Variants in CPED1 observed in about 807,000 individuals in gnomAD.
CPED1 encodes cadherin-like and PC-esterase domain-containing protein 1.
A neutral mutation model predicts 128.2 loss-of-function variants in CPED1; 114 were observed. The ratio of observed to expected loss-of-function variants is 0.89; its 90% confidence interval spans 0.76 to 1.04. The LOEUF is 1.04. Ranked by LOEUF, CPED1 falls within the 50% of genes least tolerant of loss-of-function variation. CPED1 has a pLI of 0.00. For synonymous variants in CPED1, 462 were observed against 426.7 expected (o/e 1.08, Z -1.02); for missense variants, 1,211 against 1,207.1 (o/e 1.00, Z -0.05).
chr7:121,056,425 A>G (rs896491873), intron 4 of CPED1, among the ~76,000 whole-genome samples: 1 of 152,190 alleles, frequency 6.6e-6, no homozygotes, highest in Non-Finnish European at 1.5e-5. Context: ...TGGATGAGGC[A>G]ATACCATTAT....
At chr7:121,220,643 T>C (rs1322932889) in intron 16 of CPED1, among the ~76,000 whole-genome samples, 1 of 152,062 alleles carries the variant, frequency 6.6e-6, no homozygotes, top group African/African-American at 2.4e-5. Context: ...ATTATTCTGC[T>C]TTAACATCTT....
intron 16 of CPED1, among the ~76,000 whole-genome samples, chr7:121,211,980 A>T (rs6970762): frequency 0.36 from 54,015 of 151,832 alleles, 9,964 homozygotes; most frequent in Middle Eastern, 0.49. Flanking sequence ...ACCTTATTTT[A>T]TAACTGGGGC....
rs1436329443 is a variant in CPED1, at chr7:121,047,694, CTTCTTCTTCTTCTTCTTCTTCTTTTT to C, written c.540+704_540+729del. On this transcript the variant is annotated intron_variant, in intron 4 of 22. Transcript: ENST00000310396. ...TCTTCTTCTTCTTCTTCTTCTTCTT[CTTCTTCTTCTTCTTCTTCTTCTTTTT>C]TTTTTTTTGAGACGTAATCTTGCTC... Among the ~76,000 whole-genome samples the C allele has an allele frequency of 4.7e-3, 102 of 21,746 alleles. 4 individuals carry two copies. The highest frequency in any genetic ancestry group is 0.014 in the African/African-American group (102 of 7,466). The allele number at this position is 21,746 out of a possible 152,430, so 14.3% of individuals were successfully genotyped here. A position where few individuals can be genotyped will look rare whatever the true frequency, so the allele number is the denominator to read the frequency against.
At chr7:121,012,306 G>T (rs768597818) in intron 2 of CPED1, among the ~76,000 whole-genome samples, 6 of 152,194 alleles carry the variant, frequency 3.9e-5, no homozygotes, top group Non-Finnish European at 7.3e-5. Flanking sequence ...CTAGCAAAGG[G>T]ATTTCTAAGG....
rs540380758 is a variant in CPED1, at chr7:120,997,693, G to T, written c.249+7823G>T. On this transcript the variant is annotated intron_variant, in intron 2 of 22. Transcript: ENST00000310396. ...CCCAGCACTTTGGAAGGCCAAGGTG[G>T]GTGGATCACCTGAGGTCAGGAGTTT... Among the ~76,000 whole-genome samples, 16 of 152,200 alleles carry T rather than the reference G, an allele frequency of 1.1e-4. No individual in the cohort carries two copies. The South Asian group carries it at 3.1e-3, about 30-fold the overall frequency.
intron 14 of CPED1, among the ~76,000 whole-genome samples, chr7:121,138,322 G>A (rs546538815): frequency 6.6e-5 from 10 of 152,110 alleles, no homozygotes; most frequent in South Asian, 6.2e-4. Context: ...ACCGTACCTC[G>A]TGCTGGGTTC....
intron 16 of CPED1, among the ~76,000 whole-genome samples, chr7:121,158,647 G>A (rs1004180377): frequency 2.0e-5 from 3 of 151,032 alleles, no homozygotes; most frequent in African/African-American, 7.3e-5. Context: ...TATCATGATT[G>A]GAAAAGATGT....
chr7:121,245,452 A>G (rs1425417185), intron 18 of CPED1, among the ~76,000 whole-genome samples: 1 of 152,198 alleles, frequency 6.6e-6, no homozygotes, highest in Non-Finnish European at 1.5e-5. Flanking sequence ...ACCAGACTGT[A>G]AGCTTCAAAA....
intron 5 of CPED1, among the ~76,000 whole-genome samples, chr7:121,078,811 C>T (rs1247461961): frequency 6.6e-6 from 1 of 152,140 alleles, no homozygotes; most frequent in Non-Finnish European, 1.5e-5. Flanking sequence ...CCCATGGGCA[C>T]TGTATTAGTT....
chr7:121,184,306 G>A (rs1013709531), intron 16 of CPED1, among the ~76,000 whole-genome samples: 3 of 152,032 alleles, frequency 2.0e-5, no homozygotes, highest in African/African-American at 7.2e-5. Context: ...TTAAGTTGCT[G>A]AAAAATCTGA....
rs747895301 is a variant in CPED1 at position 121,136,061 on chromosome 7, A to G, written c.1670A>G (p.Asn557Ser). 6.5e-7 allele frequency: 1 copy of G among 1,546,074 alleles called. No individual in the cohort carries two copies. The highest frequency in any genetic ancestry group is 2.4e-5 in the East Asian group (1 of 41,398). Residue 557 changes from asparagine (N) to serine (S), a missense_variant, in exon 14 of 23, where the codon AAT (asparagine) becomes AGT (serine). Asn to Ser is a conservative substitution (Grantham distance 46). Transcript: ENST00000310396. ...TTAGCTGCAGTTCCACAAATTAAAA[A>G]TGAAAATAAAGAAATACATTGCAGT... ...NKKAAVPQIKNENKEIHCSDD... is the reference protein window; with the variant it reads ...NKKAAVPQIKSENKEIHCSDD...
At chr7:121,249,638 G>C (rs1409975151) in intron 18 of CPED1, among the ~76,000 whole-genome samples, 3 of 152,118 alleles carry the variant, frequency 2.0e-5, no homozygotes, top group East Asian at 3.9e-4. Context: ...GAGGGAATTT[G>C]TTTCAAATAG....
chr7:121,087,154 T>G (rs1339308315), intron 5 of CPED1, among the ~76,000 whole-genome samples: 1 of 152,198 alleles, frequency 6.6e-6, no homozygotes, highest in Admixed American at 6.5e-5. Flanking sequence ...GTTGGAAATT[T>G]TAATATAGTT....
At chr7:121,272,712 C>G (rs1439362524) in intron 22 of CPED1, among the ~76,000 whole-genome samples, 1 of 152,128 alleles carries the variant, frequency 6.6e-6, no homozygotes, top group Admixed American at 6.6e-5. Context: ...CTCTCTCACT[C>G]TCTCTGCCAC....
chr7:121,240,732 T>G (rs1458110801), intron 17 of CPED1, among the ~76,000 whole-genome samples: 1 of 135,374 alleles, frequency 7.4e-6, no homozygotes, highest in African/African-American at 2.8e-5. Flanking sequence ...CTTCTGTTAT[T>G]TAACTCTTTG....
intron 16 of CPED1, among the ~76,000 whole-genome samples, chr7:121,144,417 A>G (rs1240907308): frequency 1.3e-5 from 2 of 152,070 alleles, no homozygotes; most frequent in Non-Finnish European, 2.9e-5. Context: ...ATTAAGTGAA[A>G]TAAGTCAGGA....
At chr7:121,276,627 TTAAG>T (rs1306811759) in intron 22 of CPED1, among the ~76,000 whole-genome samples, 1 of 152,056 alleles carries the variant, frequency 6.6e-6, no homozygotes, top group Admixed American at 6.6e-5. Context: ...AATCTAAGGA[TTAAG>T]TGTTTCTTCT....
At chr7:121,014,046 A>T (rs977690666) in intron 2 of CPED1, among the ~76,000 whole-genome samples, 7 of 152,246 alleles carry the variant, frequency 4.6e-5, no homozygotes, top group Non-Finnish European at 8.8e-5. Context: ...TCAATTAAAA[A>T]TTTCCGTAAG....
rs780487019 is a variant in CPED1 at position 121,271,326 on chromosome 7, G to A, written c.2764G>A (p.Asp922Asn). 67 of 1,612,240 alleles carry A rather than the reference G, an allele frequency of 4.2e-5. 1 individual carries two copies. In the Admixed American group the frequency reaches 1.1e-3, roughly 27 times the overall value. Residue 922 changes from aspartate (D) to asparagine (N), a missense_variant, in exon 22 of 23, where the codon GAT becomes AAT. Transcript: ENST00000310396. ...NLWKENLIIL[D>N]TAKKHGYEVV... is the part of the protein sequence containing the mutation. ...ATGGAAAGAAAATTTGATTATTCTG[G>A]ATACTGCAAAAAAACATGGCTATGA...
Sources: allele counts gnomAD v4.1 joint callset (sites outside exome capture counted in the v4.1 genomes callset), GRCh38; gene constraint gnomAD v4.1.1; transcripts MANE v1.5; gene names NCBI Gene and HGNC (gene_info 2026-07-23, HGNC 2026-07-21).